ALK: variants seen among roughly 807,000 people sequenced by gnomAD.
The protein encoded by ALK is ALK tyrosine kinase receptor.
Under a neutral mutation model 163.1 loss-of-function variants are expected in ALK, and 74 were observed. That is an observed-to-expected ratio of 0.45 (90% CI 0.38 to 0.55). The LOEUF (loss-of-function observed/expected upper bound fraction) is 0.55, where lower values mean the gene tolerates loss of function less well. Ranked by LOEUF, ALK falls within the 20% of genes least tolerant of loss-of-function variation. The probability of loss-of-function intolerance (pLI) is 0.00; values close to 1 mark genes in which losing one functional copy is unlikely to be tolerated. For synonymous variants in ALK, 960 were observed against 843.2 expected (o/e 1.14, Z -2.40); for missense variants, 2,063 against 2,105.3 (o/e 0.98, Z 0.39).
Position 29,374,097 on chromosome 2 carries a change from A to T in ALK, c.1282+9635T>A, listed in dbSNP as rs117142837. The stretch of plus-strand genomic sequence containing the variant: ...AAAAGGCAGATGTGAACCTGTAAAC[A>T]TACCCCAGGATAGTTGTGCAGAATT... On this transcript the variant is annotated intron_variant, in intron 5 of 28. Coordinates refer to ENST00000389048, the MANE Select transcript of ALK (RefSeq NM_004304.5). Among the ~76,000 whole-genome samples, 166 of 152,312 alleles carry T rather than the reference A, an allele frequency of 1.1e-3. 3 individuals are homozygous for T. The East Asian group carries it at 0.013, about 12-fold the overall frequency.
Position 29,232,856 on chromosome 2 carries a change from C to A in ALK, c.2488-408G>T, listed in dbSNP as rs149690469. On this transcript the variant is annotated intron_variant, in intron 14 of 28. Coordinates refer to ENST00000389048, the MANE Select transcript of ALK (RefSeq NM_004304.5). ...CATTCTTAGGGGTCTCTGGCTCTGA[C>A]CCCCAAAGATTCAAGGTTAAGCCCT... Among the ~76,000 whole-genome samples the A allele has an allele frequency of 3.8e-3, 586 of 152,266 alleles. 5 individuals are homozygous for A. Among genetic ancestry groups the A allele is most frequent in the Middle Eastern group, 0.01 (3 of 294 alleles).
chr2:29,594,952 T>A (rs1310035250), intron 3 of ALK, among the ~76,000 whole-genome samples: 1 of 146,222 alleles, frequency 6.8e-6, no homozygotes, highest in Non-Finnish European at 1.5e-5. Context: ...CTGATAAAAA[T>A]GCAAAAGGAA....
intron 3 of ALK, among the ~76,000 whole-genome samples, chr2:29,551,705 T>C (rs1573449945): frequency 1.3e-5 from 2 of 152,242 alleles, no homozygotes; most frequent in South Asian, 2.1e-4. Flanking sequence ...CAAAATCTAA[T>C]AAATATATGA....
At chr2:29,365,004 T>G (rs1191752650) in intron 5 of ALK, among the ~76,000 whole-genome samples, 3 of 152,180 alleles carry the variant, frequency 2.0e-5, no homozygotes, top group Non-Finnish European at 4.4e-5. Context: ...CCTATAAGGT[T>G]GGCATTATAA....
intron 8 of ALK, among the ~76,000 whole-genome samples, chr2:29,315,447 A>C (rs571942087): frequency 2.5e-4 from 38 of 152,260 alleles, no homozygotes; most frequent in Non-Finnish European, 3.8e-4. Flanking sequence ...TCTTTCTAAA[A>C]GACAAGTGAC....
At chr2:29,239,540 G>T in intron 13 of ALK, 140 bp downstream of exon 13, 6 of 1,103,118 alleles carry the variant, frequency 5.4e-6, no homozygotes, top group Non-Finnish European at 8.1e-6. Context: ...AGTTTGCAAA[G>T]CTGCTGTTTA....
chr2:29,359,537 AAGG>A (rs1002126550), intron 5 of ALK, among the ~76,000 whole-genome samples: 18 of 152,328 alleles, frequency 1.2e-4, no homozygotes, highest in African/African-American at 4.3e-4. Flanking sequence ...GATAATAAAA[AAGG>A]AGAAAGTCAG....
At chr2:29,470,102 A>T (rs1037118940) in intron 4 of ALK, among the ~76,000 whole-genome samples, 3 of 152,202 alleles carry the variant, frequency 2.0e-5, no homozygotes, top group African/African-American at 7.2e-5. Context: ...TTAATAATTC[A>T]ATAGATGAGT....
chr2:29,808,594 C>T (rs1444814851), intron 1 of ALK, among the ~76,000 whole-genome samples: 1 of 152,158 alleles, frequency 6.6e-6, no homozygotes, highest in Non-Finnish European at 1.5e-5. Flanking sequence ...ACAGACAAGC[C>T]ATTACCCTCT....
chr2:29,536,459 A>C (rs1045179819), intron 3 of ALK, among the ~76,000 whole-genome samples: 10 of 152,160 alleles, frequency 6.6e-5, no homozygotes, highest in Admixed American at 5.9e-4. Flanking sequence ...CTAGAAACAG[A>C]TGTCATTGCC....
chr2:29,248,835 A>G (rs1664750088), intron 12 of ALK, among the ~76,000 whole-genome samples: 1 of 152,240 alleles, frequency 6.6e-6, no homozygotes, highest in African/African-American at 2.4e-5. Context: ...TGGCAGTCCA[A>G]ATTTTTCAGA....
At chr2:29,406,853 C>T (rs575183540) in intron 4 of ALK, among the ~76,000 whole-genome samples, 243 of 149,508 alleles carry the variant, frequency 1.6e-3, no homozygotes, top group Non-Finnish European at 2.6e-3. Context: ...GAGCTGAGAT[C>T]GCGCCACTGC....
At chr2:29,888,900 G>A (rs4502372) in intron 1 of ALK, among the ~76,000 whole-genome samples, 116,668 of 152,100 alleles carry the variant, frequency 0.77, 44,851 homozygotes, top group East Asian at 0.79. Flanking sequence ...CGCTGTTGGT[G>A]TAAAAGTGGA....
chr2:29,815,829 C>T (rs1324217302), intron 1 of ALK, among the ~76,000 whole-genome samples: 1 of 152,186 alleles, frequency 6.6e-6, no homozygotes, highest in African/African-American at 2.4e-5. Flanking sequence ...TCCATATACA[C>T]TCTTTCTCCT....
At chr2:29,346,543 A>G (rs1350178624) in intron 5 of ALK, among the ~76,000 whole-genome samples, 1 of 152,250 alleles carries the variant, frequency 6.6e-6, no homozygotes, top group Non-Finnish European at 1.5e-5. Flanking sequence ...TTTCTGAATC[A>G]CACTGTAGAC....
At chr2:29,763,115 T>C (rs1573615541) in intron 1 of ALK, among the ~76,000 whole-genome samples, 1 of 149,576 alleles carries the variant, frequency 6.7e-6, no homozygotes, top group Admixed American at 6.7e-5. Flanking sequence ...AAAATAGGAC[T>C]CTGAAGTCAG....
chr2:29,593,212 T>C (rs1384189857), intron 3 of ALK, among the ~76,000 whole-genome samples: 2 of 152,134 alleles, frequency 1.3e-5, no homozygotes, highest in Non-Finnish European at 2.9e-5. Flanking sequence ...CATTGGTCTG[T>C]GAAGGGGCCT....
At chr2:29,566,494 A>T (rs72861553) in intron 3 of ALK, among the ~76,000 whole-genome samples, 22,969 of 152,170 alleles carry the variant, frequency 0.15, 1,893 homozygotes, top group Non-Finnish European at 0.18. Flanking sequence ...AGTGAACTCT[A>T]GACAGTCAAA....
intron 3 of ALK, among the ~76,000 whole-genome samples, chr2:29,552,551 G>A (rs889962568): frequency 6.6e-6 from 1 of 152,120 alleles, no homozygotes; most frequent in African/African-American, 2.4e-5. Flanking sequence ...ACAAACTAAT[G>A]GATGCGAAGT....
Sources: allele counts gnomAD v4.1 joint callset (sites outside exome capture counted in the v4.1 genomes callset), GRCh38; gene constraint gnomAD v4.1.1; transcripts MANE v1.5; gene names NCBI Gene and HGNC (gene_info 2026-07-23, HGNC 2026-07-21).